The following ULK4 variants were observed in gnomAD, a reference collection of about 807,000 sequenced individuals.
ULK4 encodes the protein inactive serine/threonine-protein kinase ULK4.
A neutral mutation model predicts 160.6 loss-of-function variants in ULK4; 133 were observed. That is an observed-to-expected ratio of 0.83 (90% CI 0.72 to 0.96). The LOEUF (loss-of-function observed/expected upper bound fraction) is 0.96. ULK4 is among the 40% of genes least tolerant of loss of function. The pLI is 0.00. For synonymous variants in ULK4, 534 were observed against 539.8 expected (o/e 0.99, Z 0.15); for missense variants, 1,580 against 1,499.5 (o/e 1.05, Z -0.89).
At chr3:41,550,381 C>A (rs1050754355) in intron 32 of ULK4, among the ~76,000 whole-genome samples, 4 of 151,818 alleles carry the variant, frequency 2.6e-5, no homozygotes, top group African/African-American at 9.7e-5. Flanking sequence ...AAGCATCTTG[C>A]TGCCTACAAG....
chr3:41,749,794 A>T (rs2038552425), intron 22 of ULK4, among the ~76,000 whole-genome samples: 1 of 152,134 alleles, frequency 6.6e-6, no homozygotes. Context: ...TTTAAAACTC[A>T]TTTTCTCTGA....
At position 41,793,112 on chromosome 3, in the gene ULK4, G is replaced by A. The variant is rs2040199202; in HGVS notation, c.2011-3269C>T. ...TACTTGAAACCAGAAGGCGGAGGTT[G>A]CAATGAGCCAAGATCATGCCACTGC... On this transcript the variant is annotated intron_variant, in intron 20 of 36. Transcript: ENST00000301831. Among the ~76,000 whole-genome samples, 3 of 151,738 alleles carry A rather than the reference G, an allele frequency of 2.0e-5. No homozygotes were observed. The South Asian group carries it at 6.2e-4, about 31-fold the overall frequency.
intron 17 of ULK4, among the ~76,000 whole-genome samples, chr3:41,874,958 G>A (rs1432550846): frequency 6.6e-6 from 1 of 152,182 alleles, no homozygotes; most frequent in Admixed American, 6.5e-5. Flanking sequence ...TGGATTGCTT[G>A]TCACCAGAAG....
chr3:41,804,119 C>T (rs1293505926), intron 19 of ULK4, among the ~76,000 whole-genome samples: 1 of 151,668 alleles, frequency 6.6e-6, no homozygotes, highest in Non-Finnish European at 1.5e-5. Context: ...AAAAGTGTTC[C>T]TATTTCTCCA....
At position 41,954,677 on chromosome 3, in the gene ULK4, T is replaced by C. The variant is rs751629107; in HGVS notation, c.83A>G (p.Asn28Ser). The part of the protein sequence containing the change: ...VYKGRRKGTI[N>S]FVAILCTDKC... ...ATCAGTACAAAGAATGGCTACAAAATTGATTGTTCCCTTCCGTCGCCCTTT... is the reference window on the plus strand; with the variant it reads ...ATCAGTACAAAGAATGGCTACAAAACTGATTGTTCCCTTCCGTCGCCCTTT... Residue 28 changes from asparagine (N) to serine (S), a missense_variant, in exon 2 of 37, where the codon AAT becomes AGT. Physicochemically the swap from Asn to Ser is conservative, Grantham distance 46. Coordinates refer to ENST00000301831, the MANE Select transcript of ULK4 (RefSeq NM_017886.4). The C allele has an allele frequency of 8.7e-6, 14 of 1,613,932 alleles. No homozygotes were observed. Among genetic ancestry groups the C allele is most frequent in the Admixed American group, 1.7e-5 (1 of 59,990 alleles).
At chr3:41,467,108 G>A (rs2083855597) in intron 32 of ULK4, among the ~76,000 whole-genome samples, 1 of 151,978 alleles carries the variant, frequency 6.6e-6, no homozygotes, top group Non-Finnish European at 1.5e-5. Flanking sequence ...AAAAACAGTT[G>A]GCATTTTTAA....
chr3:41,758,750 G>A (rs2038887541), intron 21 of ULK4, among the ~76,000 whole-genome samples: 1 of 151,896 alleles, frequency 6.6e-6, no homozygotes, highest in South Asian at 2.1e-4. Flanking sequence ...GCGGGTGCCT[G>A]TAGTCCCAGC....
At position 41,511,933 on chromosome 3, in the gene ULK4, G is replaced by A. The variant is rs576201665; in HGVS notation, c.3227-48680C>T. On this transcript the variant is annotated intron_variant, in intron 32 of 36. Transcript: ENST00000301831. ...GTGTATCAAAAAGATAATCCACCAC[G>A]ATCAAGTGGGTTTCATACCAGGGAC... 1.1e-4 allele frequency among the ~76,000 whole-genome samples: 16 copies of A among 152,156 alleles called. No individual in the cohort carries two copies. In the East Asian group the frequency reaches 2.5e-3, roughly 24 times the overall value.
chr3:41,606,415 C>G (rs369905584), intron 31 of ULK4, among the ~76,000 whole-genome samples: 1 of 151,864 alleles, frequency 6.6e-6, no homozygotes, highest in Non-Finnish European at 1.5e-5. Context: ...TTATTGTGAA[C>G]GGGGTTGCAA....
intron 34 of ULK4, among the ~76,000 whole-genome samples, chr3:41,429,676 G>A (rs1416470670): frequency 6.6e-6 from 1 of 151,846 alleles, no homozygotes; most frequent in Non-Finnish European, 1.5e-5. Context: ...ACTTGTAAGT[G>A]GGATCTGAAC....
chr3:41,406,709 G>C (rs1174171265), intron 34 of ULK4, among the ~76,000 whole-genome samples: 1 of 152,044 alleles, frequency 6.6e-6, no homozygotes, highest in Non-Finnish European at 1.5e-5. Context: ...TGGGTTACTT[G>C]AACATTCTAT....
intron 30 of ULK4, among the ~76,000 whole-genome samples, chr3:41,657,940 T>A (rs982352279): frequency 6.6e-6 from 1 of 151,876 alleles, no homozygotes; most frequent in African/African-American, 2.4e-5. Context: ...GCATTAGGCC[T>A]AATTTTCTTT....
At position 41,954,653 on chromosome 3, in the gene ULK4, T is replaced by A. The variant is rs995563144; in HGVS notation, c.107A>T (p.Asp36Val). ...TINFVAILCTDKCKRPEITNW... is the reference protein window; with the variant it reads ...TINFVAILCTVKCKRPEITNW... Reference sequence around the variant, plus strand: ...GGTTATTTCAGGCCTTTTGCACTTATCAGTACAAAGAATGGCTACAAAATT... The same window carrying A: ...GGTTATTTCAGGCCTTTTGCACTTAACAGTACAAAGAATGGCTACAAAATT... The change falls in exon 2 of 37, where the codon GAT becomes GTT. Residue 36 changes from aspartate (D) to valine (V), a missense_variant. Physicochemically the swap from Asp to Val is radical, Grantham distance 152. Coordinates refer to ENST00000301831, the MANE Select transcript of ULK4 (RefSeq NM_017886.4). 4.3e-6 allele frequency: 7 copies of A among 1,613,802 alleles called. No individual in the cohort carries two copies. The African/African-American group carries it at 8.0e-5, about 18-fold the overall frequency.
intron 32 of ULK4, among the ~76,000 whole-genome samples, chr3:41,474,821 T>TAA (rs34840621): frequency 0.22 from 31,282 of 140,640 alleles, 4,068 homozygotes; most frequent in East Asian, 0.55. Flanking sequence ...TGATTATTAT[T>TAA]AAAAAAAAAA....
At chr3:41,423,259 T>C (rs1276847662) in intron 34 of ULK4, among the ~76,000 whole-genome samples, 1 of 152,214 alleles carries the variant, frequency 6.6e-6, no homozygotes, top group Non-Finnish European at 1.5e-5. Context: ...ACTTCCGTTT[T>C]ACTTTAATCA....
chr3:41,353,160 C>T (rs377229130), intron 35 of ULK4, among the ~76,000 whole-genome samples: 3 of 152,286 alleles, frequency 2.0e-5, no homozygotes, highest in South Asian at 4.1e-4. Flanking sequence ...CTTTGGTACC[C>T]GTTGCTCCTG....
At chr3:41,368,782 C>T (rs1016457963) in intron 35 of ULK4, among the ~76,000 whole-genome samples, 1 of 152,140 alleles carries the variant, frequency 6.6e-6, no homozygotes, top group African/African-American at 2.4e-5. Flanking sequence ...TTTATTCCTT[C>T]ATCAATTGAA....
chr3:41,726,760 G>A (rs991574177), intron 22 of ULK4, among the ~76,000 whole-genome samples: 8 of 152,050 alleles, frequency 5.3e-5, no homozygotes, highest in Admixed American at 2.6e-4. Context: ...ACAAGTATGC[G>A]CCACCACGCC....
At position 41,567,571 on chromosome 3, in the gene ULK4, T is replaced by C. The variant is rs138471140; in HGVS notation, c.3121-1441A>G. Among the ~76,000 whole-genome samples, 1,349 of 150,558 alleles carry C rather than the reference T, an allele frequency of 9.0e-3. 20 individuals are homozygous for C. Among genetic ancestry groups the C allele is most frequent in the African/African-American group, 0.03 (1,248 of 41,104 alleles). ...AAGTGATTCTCCTGCCTCAGCCTCC[T>C]GAGTAGGTGGGACTACAGGCATGCA... On this transcript the variant is annotated intron_variant, in intron 31 of 36. Transcript: ENST00000301831.
Sources: allele counts gnomAD v4.1 joint callset (sites outside exome capture counted in the v4.1 genomes callset), GRCh38; gene constraint gnomAD v4.1.1; transcripts MANE v1.5; gene names NCBI Gene and HGNC (gene_info 2026-07-23, HGNC 2026-07-21).